The following AMPD3 variants were observed in gnomAD, a reference collection of about 807,000 sequenced individuals.
The protein encoded by AMPD3 is adenosine monophosphate deaminase 3.
A neutral mutation model predicts 82.3 loss-of-function variants in AMPD3; 57 were observed. That is an observed-to-expected ratio of 0.69 (90% CI 0.56 to 0.86). The LOEUF is 0.86. Among genes scored for constraint, AMPD3 ranks in the 40% least tolerant of loss-of-function variants. The pLI is 0.00. For synonymous variants in AMPD3, 381 were observed against 394.7 expected (o/e 0.97, Z 0.41); for missense variants, 870 against 1,003.8 (o/e 0.87, Z 1.80).
At chr11:10,471,636 G>A (rs1346944986) in intron 2 of AMPD3, among the ~76,000 whole-genome samples, 2 of 152,186 alleles carry the variant, frequency 1.3e-5, no homozygotes, top group African/African-American at 4.8e-5. Context: ...AGTGGGCAAA[G>A]GATATGAACA....
rs145613156 is a variant in AMPD3 at position 10,495,855 on chromosome 11, C to T, written c.1430+122C>T. On this transcript the variant is annotated intron_variant, in intron 9 of 14. Coordinates refer to ENST00000396553, the MANE Select transcript of AMPD3 (RefSeq NM_001025389.2). ...GTTCTGGTGCCAGCTTACGCTTGTCCTTTCCAGGGATTTTTCCATAGAAGG... is the reference window on the plus strand; with the variant it reads ...GTTCTGGTGCCAGCTTACGCTTGTCTTTTCCAGGGATTTTTCCATAGAAGG... 81 of 1,282,018 alleles carry T rather than the reference C, an allele frequency of 6.3e-5. 2 individuals are homozygous for T. In the African/African-American group the frequency reaches 9.4e-4, roughly 15 times the overall value. 79.4% of individuals were successfully genotyped at this position (1,282,018 alleles called of 1,614,324 possible).
intron 7 of AMPD3, chr11:10,494,664 G>A: frequency 1.0e-6 from 1 of 985,414 alleles, no homozygotes; most frequent in Non-Finnish European, 1.2e-6. Flanking sequence ...GTGGTAACTT[G>A]CAGGTGGGGC....
Position 10,502,879 on chromosome 11 carries a change from G to T in AMPD3, c.2001G>T (p.Gln667His). 5 of 1,614,204 alleles carry T rather than the reference G, an allele frequency of 3.1e-6. No individual in the cohort carries two copies. The highest frequency in any genetic ancestry group is 4.2e-6 in the Non-Finnish European group (5 of 1,180,014). ...HVSLSTDDPMQFHYTKEALME... is the reference protein window; with the variant it reads ...HVSLSTDDPMHFHYTKEALME... ...CTCTTTCCACCGATGACCCCATGCA[G>T]TTCCACTACACGAAGGTAAGGACTT... The change falls in exon 13 of 15, where the codon CAG becomes CAT. Residue 667 changes from glutamine to histidine, a missense_variant. Transcript: ENST00000396553.
At chr11:10,497,504 C>G (rs890251886) in intron 10 of AMPD3, 1 of 903,702 alleles carries the variant, frequency 1.1e-6, no homozygotes, top group Non-Finnish European at 1.3e-6. Context: ...TGCCTGGGAT[C>G]GAGGGGGTAT....
chr11:10,463,167 C>T (rs1027284145), intron 2 of AMPD3, among the ~76,000 whole-genome samples: 1 of 152,210 alleles, frequency 6.6e-6, no homozygotes, highest in African/African-American at 2.4e-5. Context: ...ACACTAGATA[C>T]TGCCTCAGTT....
chr11:10,505,052 A>G (rs919781921), intron 14 of AMPD3: 5 of 920,564 alleles, frequency 5.4e-6, no homozygotes, highest in Non-Finnish European at 6.5e-6. Context: ...CGGGCCCTAG[A>G]TAGTCCCTGG....
rs1848933994 is a variant in AMPD3 at position 10,482,295 on chromosome 11, G to A, written c.589+70G>A. 1.9e-6 allele frequency: 3 copies of A among 1,555,332 alleles called. No individual in the cohort carries two copies. The Admixed American group carries it at 5.3e-5, about 28-fold the overall frequency. ...CGAGAGCTAGTCAGGGCTTTTTTCTGGCTCGGTCTATTTCCCCTGATAGTA... is the reference window on the plus strand; with the variant it reads ...CGAGAGCTAGTCAGGGCTTTTTTCTAGCTCGGTCTATTTCCCCTGATAGTA... On this transcript the variant is annotated intron_variant, in intron 4 of 14. Coordinates refer to ENST00000396553, the MANE Select transcript of AMPD3 (RefSeq NM_001025389.2).
In AMPD3 at chr11:10,506,800, G is replaced by C. The variant is rs1338343315; in HGVS notation, c.*916G>C. On this transcript the variant is annotated 3_prime_UTR_variant, in exon 15 of 15. Transcript: ENST00000396553. The surrounding 1 kb of genome is among the most constrained non-coding windows in gnomAD (Gnocchi z 4.1). ...GCCAGATAAGTGAAATTTAACTTAAGGGCACACAGCTAATAAGTAATAGGC... is the reference window on the plus strand; with the variant it reads ...GCCAGATAAGTGAAATTTAACTTAACGGCACACAGCTAATAAGTAATAGGC... 2 of 152,152 alleles carry C rather than the reference G, an allele frequency of 1.3e-5. No homozygotes were observed. The highest frequency in any genetic ancestry group is 4.8e-5 in the African/African-American group (2 of 41,422). The allele number at this position is 152,152 out of a possible 1,614,324, so 9.4% of individuals were successfully genotyped here.
chr11:10,495,336 AT>A (rs1256594719), intron 8 of AMPD3: 6 of 985,402 alleles, frequency 6.1e-6, no homozygotes, highest in Non-Finnish European at 7.2e-6. Context: ...CCGTGTGGAG[AT>A]GCTTCTGCTG....
chr11:10,470,185 A>G (rs925990119), intron 2 of AMPD3, among the ~76,000 whole-genome samples: 3 of 152,244 alleles, frequency 2.0e-5, no homozygotes, highest in Admixed American at 1.3e-4. Flanking sequence ...AGCGTAATCC[A>G]TCGCATAAAC....
At chr11:10,494,126 A>G (rs1456140834) in intron 7 of AMPD3, among the ~76,000 whole-genome samples, 1 of 152,244 alleles carries the variant, frequency 6.6e-6, no homozygotes, top group Non-Finnish European at 1.5e-5. Flanking sequence ...TGGTATATCC[A>G]TACAACGGAA....
chr11:10,483,239 C>T (rs1222140304), intron 4 of AMPD3, among the ~76,000 whole-genome samples: 1 of 151,974 alleles, frequency 6.6e-6, no homozygotes, highest in African/African-American at 2.4e-5. Flanking sequence ...CATGAAGAAC[C>T]TAGGAGCAGT....
At chr11:10,500,346 C>A (rs1849542400) in intron 11 of AMPD3, 97 bp downstream of exon 11, 1 of 1,478,382 alleles carries the variant, frequency 6.8e-7, no homozygotes, top group Non-Finnish European at 9.4e-7. Context: ...ATCCTTGTGT[C>A]CGTGTGCACC....
intron 3 of AMPD3, chr11:10,479,886 G>A: frequency 3.0e-6 from 3 of 985,366 alleles, no homozygotes; most frequent in South Asian, 9.4e-5. Context: ...ATGGATGGGA[G>A]TTTAGGTTGG....
At chr11:10,458,396 G>C (rs992846320) in intron 1 of AMPD3, among the ~76,000 whole-genome samples, 1 of 151,682 alleles carries the variant, frequency 6.6e-6, no homozygotes, top group Non-Finnish European at 1.5e-5. Context: ...TCTTTTCATA[G>C]AGTCTTAAGT....
At chr11:10,468,929 G>A (rs938426600) in intron 2 of AMPD3, among the ~76,000 whole-genome samples, 7 of 152,224 alleles carry the variant, frequency 4.6e-5, no homozygotes, top group African/African-American at 9.7e-5. Context: ...AAATAAAGAT[G>A]TTCTTTGAAA....
rs750762540 is a variant in AMPD3 at position 10,486,935 on chromosome 11, A to T, written c.810-300A>T. 18 of 985,304 alleles carry T rather than the reference A, an allele frequency of 1.8e-5. 1 individual carries two copies. The highest frequency in any genetic ancestry group is 1.8e-5 in the Non-Finnish European group (15 of 829,936). 61.0% of individuals were successfully genotyped at this position (985,304 alleles called of 1,614,324 possible). A position where few individuals can be genotyped will look rare whatever the true frequency, so the allele number is the denominator to read the frequency against. ...GGGTGTTACCACCTGATATTTACTC[A>T]TGGGAAATGGAGGCTTGCGGTTAAT... is the stretch of plus-strand genomic sequence containing the variant. On this transcript the variant is annotated intron_variant, in intron 5 of 14. Coordinates refer to ENST00000396553, the MANE Select transcript of AMPD3 (RefSeq NM_001025389.2).
intron 8 of AMPD3, 64 bp downstream of exon 8, chr11:10,495,094 TG>T: frequency 6.2e-7 from 1 of 1,612,898 alleles, no homozygotes; most frequent in Non-Finnish European, 8.5e-7. Flanking sequence ...CTTCAGAGAG[TG>T]GGGGCCCTGT....
intron 1 of AMPD3, 153 bp from the exon 2 acceptor site, chr11:10,461,362 G>C (rs1848264367): frequency 6.3e-7 from 1 of 1,593,434 alleles, no homozygotes; most frequent in Non-Finnish European, 8.5e-7. Context: ...AGCTAATTTT[G>C]AAATTGGCAT....
Sources: gnomAD v4.1 joint callset for allele counts (sites outside exome capture counted in the v4.1 genomes callset) on GRCh38, gnomAD v4.1.1 for gene constraint, Gnocchi (gnomAD v3.1) non-coding constraint, MANE v1.5 for transcripts, NCBI Gene and HGNC (gene_info 2026-07-23, HGNC 2026-07-21) for gene names.